BMAL1: variants seen among roughly 807,000 people sequenced by gnomAD.
BMAL1 encodes the protein basic helix-loop-helix ARNT-like protein 1.
the BMAL1 span, among the ~76,000 whole-genome samples, chr11:13,352,140 G>T: frequency 6.6e-6 from 1 of 152,136 alleles, no homozygotes; most frequent in Non-Finnish European, 1.5e-5. Flanking sequence ...ATCTAAGGAG[G>T]TGGTAGGTGT....
chr11:13,381,964 T>C, the BMAL1 span, among the ~76,000 whole-genome samples: 1 of 152,180 alleles, frequency 6.6e-6, no homozygotes, highest in South Asian at 2.1e-4. Context: ...ATGGCTTCCT[T>C]TCCCCATCTC....
chr11:13,363,378 C>G, the BMAL1 span, among the ~76,000 whole-genome samples: 1 of 151,966 alleles, frequency 6.6e-6, no homozygotes, highest in Non-Finnish European at 1.5e-5. Context: ...CTCTTCTACT[C>G]CCTTGTTTAT....
the BMAL1 span, among the ~76,000 whole-genome samples, chr11:13,305,414 A>G: frequency 6.6e-6 from 1 of 152,200 alleles, no homozygotes; most frequent in Non-Finnish European, 1.5e-5. Flanking sequence ...CATTGCTAGT[A>G]TATAGAAATC....
the BMAL1 span, chr11:13,358,330 T>C: frequency 3.1e-6 from 4 of 1,272,440 alleles, no homozygotes; most frequent in Non-Finnish European, 4.1e-6. Context: ...AAATTTGCCT[T>C]GTCAGATGAA....
the BMAL1 span, among the ~76,000 whole-genome samples, chr11:13,349,144 T>C: frequency 6.6e-6 from 1 of 152,206 alleles, no homozygotes; most frequent in Admixed American, 6.5e-5. Flanking sequence ...GTGGCTACCA[T>C]GAACCCTGTT....
the BMAL1 span, among the ~76,000 whole-genome samples, chr11:13,371,434 T>C: frequency 1.3e-5 from 2 of 152,158 alleles, no homozygotes; most frequent in Non-Finnish European, 2.9e-5. Flanking sequence ...CTTTCTCTGC[T>C]CCCTCTCATC....
At chr11:13,301,545 G>A in the BMAL1 span, among the ~76,000 whole-genome samples, 7 of 152,190 alleles carry the variant, frequency 4.6e-5, no homozygotes, top group African/African-American at 1.7e-4. Context: ...GGGCTAAGGG[G>A]CAGGAGAATC....
the BMAL1 span, among the ~76,000 whole-genome samples, chr11:13,314,679 C>G: frequency 6.6e-6 from 1 of 152,200 alleles, no homozygotes; most frequent in South Asian, 2.1e-4. Flanking sequence ...GGATGAATCC[C>G]AAATTTCCTA....
chr11:13,330,680 T>C, the BMAL1 span, among the ~76,000 whole-genome samples: 3 of 152,238 alleles, frequency 2.0e-5, no homozygotes, highest in African/African-American at 7.2e-5. Flanking sequence ...GGGATAAATA[T>C]AGAATAGTAT....
chr11:13,386,819 G>A, the BMAL1 span: 1 of 1,572,920 alleles, frequency 6.4e-7, no homozygotes, highest in South Asian at 1.2e-5. Flanking sequence ...GAGTTTTACA[G>A]TCTGTGAAGC....
chr11:13,374,348 G>C, the BMAL1 span: 4 of 701,320 alleles, frequency 5.7e-6, no homozygotes, highest in Admixed American at 2.6e-5. Context: ...TGTGTGAAGA[G>C]GAAGCTGATA....
At chr11:13,309,466 C>T in the BMAL1 span, among the ~76,000 whole-genome samples, 1 of 152,248 alleles carries the variant, frequency 6.6e-6, no homozygotes, top group African/African-American at 2.4e-5. Flanking sequence ...ATTAGTCCTT[C>T]CTGTTAAACC....
the BMAL1 span, among the ~76,000 whole-genome samples, chr11:13,296,572 A>G: frequency 0.018 from 2,786 of 152,298 alleles, 84 homozygotes; most frequent in African/African-American, 0.061. Context: ...TTAAAAATGT[A>G]TCTACATACA....
the BMAL1 span, among the ~76,000 whole-genome samples, chr11:13,361,355 C>T: frequency 6.6e-6 from 1 of 152,026 alleles, no homozygotes; most frequent in South Asian, 2.1e-4. Context: ...GATTCAGAAA[C>T]GTGTTCTTGT....
the BMAL1 span, chr11:13,372,480 A>C: frequency 1.3e-6 from 2 of 1,574,012 alleles, no homozygotes; most frequent in Non-Finnish European, 1.7e-6. Context: ...AAAGCAGAGA[A>C]GACTGGGCCA....
chr11:13,336,008 AGT>A, the BMAL1 span, among the ~76,000 whole-genome samples: 3 of 152,230 alleles, frequency 2.0e-5, no homozygotes, highest in South Asian at 4.1e-4. Context: ...AGAGAGAGAG[AGT>A]GTGTGTGCGT....
chr11:13,337,469 G>C, the BMAL1 span, among the ~76,000 whole-genome samples: 32 of 152,078 alleles, frequency 2.1e-4, no homozygotes, highest in Admixed American at 2.1e-3. Flanking sequence ...TCTATTAAAA[G>C]AGTACTATGT....
the BMAL1 span, among the ~76,000 whole-genome samples, chr11:13,347,976 G>C: frequency 2.0e-5 from 3 of 152,198 alleles, no homozygotes; most frequent in Non-Finnish European, 4.4e-5. Flanking sequence ...CACAGGAGAC[G>C]CCTATAAATA....
the BMAL1 span, among the ~76,000 whole-genome samples, chr11:13,301,039 GC>G: frequency 2.0e-5 from 3 of 152,254 alleles, no homozygotes; most frequent in South Asian, 6.2e-4. Flanking sequence ...CCTGATTCAA[GC>G]GATTCTCCTA....
Sources: allele counts gnomAD v4.1 joint callset (sites outside exome capture counted in the v4.1 genomes callset), GRCh38; gene constraint gnomAD v4.1.1; transcripts MANE v1.5; gene names NCBI Gene and HGNC (gene_info 2026-07-23, HGNC 2026-07-21).